Variants in PPP2R5E observed in about 807,000 individuals in gnomAD.
PPP2R5E encodes protein phosphatase 2 regulatory subunit B'epsilon, also known as serine/threonine-protein phosphatase 2A 56 kDa regulatory subunit epsilon isoform.
A neutral mutation model predicts 65.3 loss-of-function variants in PPP2R5E; 4 were observed. That is an observed-to-expected ratio of 0.06 (90% CI 0.03 to 0.14). PPP2R5E has a LOEUF of 0.14. Among genes scored for constraint, PPP2R5E ranks in the 10% least tolerant of loss-of-function variants. PPP2R5E has a pLI of 1.00. For missense variants in PPP2R5E, 274 were observed against 556.1 expected (o/e 0.49, Z 5.10); for synonymous variants, 183 against 187.4 (o/e 0.98, Z 0.19).
chr14:63,478,145 G>A (rs11158492), intron 2 of PPP2R5E, among the ~76,000 whole-genome samples: 32,152 of 152,034 alleles, frequency 0.21, 3,574 homozygotes, highest in East Asian at 0.27. Flanking sequence ...CTATCCTGTA[G>A]AACTGAAAAC....
chr14:63,390,387 G>C (rs562821931), intron 10 of PPP2R5E, among the ~76,000 whole-genome samples: 11 of 151,826 alleles, frequency 7.2e-5, no homozygotes, highest in Non-Finnish European at 1.3e-4. Flanking sequence ...ACCGGGTGCC[G>C]CAAGAAACAG....
rs575642669 is a variant in PPP2R5E, at chr14:63,448,686, G to A, written c.354+5003C>T. Among the ~76,000 whole-genome samples, 31 of 152,048 alleles carry A rather than the reference G, an allele frequency of 2.0e-4. No individual in the cohort carries two copies. In the South Asian group the frequency reaches 6.0e-3, roughly 29 times the overall value. On this transcript the variant is annotated intron_variant, in intron 3 of 13. Transcript: ENST00000337537. ...CGTGTATAATGCCAGCTACTCAGGA[G>A]GCTGAGGCAGGAGAATTGCTTAAAC...
intron 1 of PPP2R5E, among the ~76,000 whole-genome samples, chr14:63,540,654 C>A (rs1371711058): frequency 2.1e-5 from 3 of 146,240 alleles, no homozygotes; most frequent in Non-Finnish European, 3.0e-5. Flanking sequence ...ACCCGGGAGG[C>A]GGAGTTGTGG....
intron 4 of PPP2R5E, among the ~76,000 whole-genome samples, chr14:63,416,036 G>T (rs1264088906): frequency 1.3e-5 from 2 of 152,218 alleles, no homozygotes; most frequent in African/African-American, 4.8e-5. Context: ...ATACCCATCT[G>T]CAAAAAGTCA....
chr14:63,412,511 G>A (rs1215555198), intron 5 of PPP2R5E, among the ~76,000 whole-genome samples: 1 of 152,156 alleles, frequency 6.6e-6, no homozygotes, highest in Admixed American at 6.5e-5. Context: ...CATATTAGAG[G>A]ACAAATGGAC....
intron 13 of PPP2R5E, among the ~76,000 whole-genome samples, chr14:63,380,983 G>C (rs563910336): frequency 2.6e-4 from 40 of 152,248 alleles, no homozygotes; most frequent in African/African-American, 9.2e-4. Flanking sequence ...AAGACCCTGG[G>C]TATGAACACT....
chr14:63,472,969 A>T (rs1028405182), intron 2 of PPP2R5E, among the ~76,000 whole-genome samples: 1 of 152,254 alleles, frequency 6.6e-6, no homozygotes, highest in African/African-American at 2.4e-5. Context: ...CATCAGAACC[A>T]AGTATGAAGA....
intron 11 of PPP2R5E, among the ~76,000 whole-genome samples, chr14:63,386,743 T>C (rs1884693040): frequency 2.0e-5 from 3 of 151,752 alleles, no homozygotes; most frequent in Admixed American, 2.0e-4. Flanking sequence ...GCCAACATGG[T>C]AAAACCCCCA....
intron 1 of PPP2R5E, among the ~76,000 whole-genome samples, chr14:63,542,551 G>A (rs1158515253): frequency 1.3e-5 from 2 of 152,132 alleles, no homozygotes; most frequent in Non-Finnish European, 2.9e-5. Context: ...AATCCCAGAA[G>A]GTGGAGAAAA....
intron 5 of PPP2R5E, among the ~76,000 whole-genome samples, chr14:63,406,918 G>A (rs1328120133): frequency 6.6e-6 from 1 of 152,162 alleles, no homozygotes; most frequent in East Asian, 1.9e-4. Flanking sequence ...TGCTAGGTAA[G>A]ACATGACAGG....
intron 3 of PPP2R5E, among the ~76,000 whole-genome samples, chr14:63,440,317 C>T (rs1184472904): frequency 6.6e-6 from 1 of 151,280 alleles, no homozygotes. Context: ...TGAGAAGCAG[C>T]GTTAACAATT....
intron 3 of PPP2R5E, among the ~76,000 whole-genome samples, chr14:63,441,960 A>G (rs1265560902): frequency 6.6e-6 from 1 of 152,040 alleles, no homozygotes; most frequent in Non-Finnish European, 1.5e-5. Context: ...CAGTTAACCT[A>G]AGAGGGTTCA....
At chr14:63,515,321 G>C (rs905750681) in intron 2 of PPP2R5E, among the ~76,000 whole-genome samples, 1 of 152,066 alleles carries the variant, frequency 6.6e-6, no homozygotes, top group Non-Finnish European at 1.5e-5. Flanking sequence ...AAATTATTTA[G>C]AATAAAAAGT....
At chr14:63,499,109 G>A (rs1407036912) in intron 2 of PPP2R5E, among the ~76,000 whole-genome samples, 1 of 152,104 alleles carries the variant, frequency 6.6e-6, no homozygotes, top group Non-Finnish European at 1.5e-5. Flanking sequence ...AAAGGCCCCA[G>A]GACATACTGG....
intron 10 of PPP2R5E, 21 bp downstream of exon 10, chr14:63,391,794 ACT>A (rs749017668): frequency 1.2e-6 from 2 of 1,606,928 alleles, no homozygotes; most frequent in Non-Finnish European, 8.5e-7. Context: ...AGCTATGAAC[ACT>A]CTCTGACAGT....
At chr14:63,425,615 C>G (rs973312035) in intron 3 of PPP2R5E, among the ~76,000 whole-genome samples, 12 of 152,334 alleles carry the variant, frequency 7.9e-5, no homozygotes, top group Non-Finnish European at 1.5e-4. Context: ...CCACTGCACG[C>G]TGCAGCAACT....
At chr14:63,444,123 C>T (rs1427283883) in intron 3 of PPP2R5E, among the ~76,000 whole-genome samples, 1 of 152,222 alleles carries the variant, frequency 6.6e-6, no homozygotes, top group African/African-American at 2.4e-5. Context: ...CCCACATCCA[C>T]ATCTTCAGCT....
intron 5 of PPP2R5E, among the ~76,000 whole-genome samples, chr14:63,408,757 T>C (rs1886224263): frequency 6.6e-6 from 1 of 152,210 alleles, no homozygotes; most frequent in African/African-American, 2.4e-5. Flanking sequence ...TCTTCAACTT[T>C]CATATATATT....
At chr14:63,393,742 G>A in intron 8 of PPP2R5E, 78 bp downstream of exon 8, 1 of 984,180 alleles carries the variant, frequency 1.0e-6, no homozygotes, top group South Asian at 1.5e-5. Context: ...ACAAAATGAA[G>A]GTTATATCAA....
Sources: allele counts gnomAD v4.1 joint callset (sites outside exome capture counted in the v4.1 genomes callset), GRCh38; gene constraint gnomAD v4.1.1; transcripts MANE v1.5; gene names NCBI Gene and HGNC (gene_info 2026-07-23, HGNC 2026-07-21).